Variants in EIF4E observed in about 807,000 individuals in gnomAD.
EIF4E encodes the protein eIF-4F 25 kDa subunit.
For missense variants in EIF4E, 113 were observed against 265.6 expected (o/e 0.43, Z 3.99); for synonymous variants, 71 against 88.5 (o/e 0.80, Z 1.11).
intron 1 of EIF4E, among the ~76,000 whole-genome samples, chr4:98,909,221 T>C (rs993514715): frequency 2.0e-5 from 3 of 152,244 alleles, no homozygotes; most frequent in African/African-American, 7.2e-5. Flanking sequence ...GGACACTAAA[T>C]ACCCATTGGT....
chr4:98,895,356 A>G (rs755565841), intron 2 of EIF4E: 2 of 152,016 alleles, frequency 1.3e-5, no homozygotes, highest in Non-Finnish European at 2.9e-5. Flanking sequence ...TTGAAGATAA[A>G]CTCGTGGAAC....
chr4:98,907,229 T>A (rs1054053024), intron 1 of EIF4E, among the ~76,000 whole-genome samples: 1 of 152,222 alleles, frequency 6.6e-6, no homozygotes, highest in African/African-American at 2.4e-5. Context: ...CAATAATGAT[T>A]AATGCAATAT....
chr4:98,922,426 C>T (rs1028478983), intron 1 of EIF4E, among the ~76,000 whole-genome samples: 12 of 151,888 alleles, frequency 7.9e-5, no homozygotes, highest in African/African-American at 1.5e-4. Flanking sequence ...CGTGGTGGCA[C>T]GTGCCTGTAG....
chr4:98,910,735 T>A (rs1406449251), intron 1 of EIF4E, among the ~76,000 whole-genome samples: 1 of 109,782 alleles, frequency 9.1e-6, no homozygotes, highest in Non-Finnish European at 1.8e-5. Flanking sequence ...GGATGGATTC[T>A]TTTTTTTTTT....
chr4:98,918,633 T>C (rs2110219581), intron 1 of EIF4E, among the ~76,000 whole-genome samples: 1 of 152,276 alleles, frequency 6.6e-6, no homozygotes, highest in Middle Eastern at 3.4e-3. Context: ...ATCCCAGTAA[T>C]GTTTGAAATA....
intron 1 of EIF4E, among the ~76,000 whole-genome samples, chr4:98,924,101 G>A (rs1301093386): frequency 6.1e-5 from 9 of 147,784 alleles, no homozygotes; most frequent in South Asian, 2.1e-4. Context: ...TTTTTGAGAC[G>A]GAGTCTCGCT....
intron 1 of EIF4E, among the ~76,000 whole-genome samples, chr4:98,906,135 T>C (rs2110203879): frequency 6.6e-6 from 1 of 152,338 alleles, no homozygotes; most frequent in South Asian, 2.1e-4. Context: ...TGATGAGCCT[T>C]TCCCCTCAGA....
chr4:98,900,460 T>C (rs1038221737), intron 2 of EIF4E, among the ~76,000 whole-genome samples: 29 of 152,052 alleles, frequency 1.9e-4, no homozygotes, highest in African/African-American at 6.3e-4. Flanking sequence ...AAGGAAACAT[T>C]TAAAAAAATT....
At chr4:98,928,831 G>C (rs1579194117) in intron 1 of EIF4E, 9 of 1,526,052 alleles carry the variant, frequency 5.9e-6, no homozygotes, top group East Asian at 2.5e-5. Context: ...GACACCTCGC[G>C]GTTCCGCAGG....
chr4:98,897,444 G>A (rs1333292508), intron 2 of EIF4E, among the ~76,000 whole-genome samples: 1 of 152,018 alleles, frequency 6.6e-6, no homozygotes, highest in African/African-American at 2.4e-5. Context: ...GGTGGCAGGT[G>A]CCTGCAATCC....
intron 1 of EIF4E, 26 bp from the exon 2 acceptor site, chr4:98,902,008 A>G: frequency 6.4e-7 from 1 of 1,571,492 alleles, no homozygotes; most frequent in Non-Finnish European, 8.8e-7. Context: ...ATAAAACATT[A>G]TTTTAAATGT....
At chr4:98,920,937 G>A (rs1462586237) in intron 1 of EIF4E, among the ~76,000 whole-genome samples, 2 of 152,052 alleles carry the variant, frequency 1.3e-5, no homozygotes, top group East Asian at 3.9e-4. Context: ...GGTTGAATTT[G>A]TTCCTCTTTT....
In EIF4E at chr4:98,929,129, C is replaced by CTCA. The variant is rs1194906144; in HGVS notation, c.-18_-17insTGA. 1 of 1,564,324 alleles carries CTCA rather than the reference C, an allele frequency of 6.4e-7. No individual in the cohort carries two copies. Among genetic ancestry groups the CTCA allele is most frequent in the African/African-American group, 1.4e-5 (1 of 73,414 alleles). On this transcript the variant is annotated 5_prime_UTR_variant, in exon 1 of 7. Coordinates refer to ENST00000450253, the MANE Select transcript of EIF4E (RefSeq NM_001968.5). ...AGTCGCCATCTTAGATCGATCTGAT[C>CTCA]GCACAACCGCTCCAGAAGGGGGGGT...
intron 5 of EIF4E, chr4:98,886,801 G>A (rs1723939520): frequency 1.2e-5 from 5 of 409,108 alleles, no homozygotes; most frequent in Non-Finnish European, 2.3e-5. Context: ...AAAATGTAAG[G>A]TTCTATAATT....
chr4:98,915,465 C>T (rs1320151135), intron 1 of EIF4E, among the ~76,000 whole-genome samples: 1 of 152,106 alleles, frequency 6.6e-6, no homozygotes, highest in African/African-American at 2.4e-5. Context: ...TCTGAAACTA[C>T]TCCTGGACTG....
Position 98,922,948 on chromosome 4 carries a change from A to T in EIF4E, c.18+6147T>A, listed in dbSNP as rs142532918. Among the ~76,000 whole-genome samples, 1,330 of 151,686 alleles carry T rather than the reference A, an allele frequency of 8.8e-3. 22 individuals carry two copies. The highest frequency in any genetic ancestry group is 0.031 in the African/African-American group (1,268 of 41,346). ...CCGCAACCTCCACCTCCCAGGTTCA[A>T]ACGATTCTTCTGCCTCAGCCTCCCA... On this transcript the variant is annotated intron_variant, in intron 1 of 6. Coordinates refer to ENST00000450253, the MANE Select transcript of EIF4E (RefSeq NM_001968.5).
chr4:98,915,545 C>CTTTTTTTTTT (rs879404692), intron 1 of EIF4E, among the ~76,000 whole-genome samples: 14 of 144,468 alleles, frequency 9.7e-5, no homozygotes, highest in African/African-American at 3.3e-4. Context: ...TTGTAAATTA[C>CTTTTTTTTTT]TTTTTTTTTT....
intron 1 of EIF4E, among the ~76,000 whole-genome samples, chr4:98,904,245 A>T (rs1206315195): frequency 6.6e-6 from 1 of 152,216 alleles, no homozygotes; most frequent in African/African-American, 2.4e-5. Flanking sequence ...GGACTGCTTG[A>T]GTCCAGGAGT....
intron 1 of EIF4E, among the ~76,000 whole-genome samples, chr4:98,917,963 C>T (rs1725458012): frequency 6.6e-6 from 1 of 152,028 alleles, no homozygotes; most frequent in Admixed American, 6.6e-5. Context: ...GTATTCCTAG[C>T]TACTTGGGAG....
Sources: allele counts gnomAD v4.1 joint callset (sites outside exome capture counted in the v4.1 genomes callset), GRCh38; gene constraint gnomAD v4.1.1; transcripts MANE v1.5; gene names NCBI Gene and HGNC (gene_info 2026-07-23, HGNC 2026-07-21).